GATAD2B: variants seen among roughly 807,000 people sequenced by gnomAD.
The protein encoded by GATAD2B is GATA zinc finger domain containing 2B.
In GATAD2B, 8 loss-of-function variants were observed where a neutral mutation model predicts 64.3. The ratio of observed to expected loss-of-function variants is 0.12; its 90% CI spans 0.07 to 0.22. The LOEUF is 0.22. GATAD2B is among the 10% of genes least tolerant of loss of function. The pLI, the probability that GATAD2B is intolerant of heterozygous loss-of-function variation, is 1.00. For missense variants in GATAD2B, 453 were observed against 752.0 expected (o/e 0.60, Z 4.65); for synonymous variants, 281 against 271.3 (o/e 1.04, Z -0.35).
At chr1:153,894,120 G>GA (rs1677506808) in intron 1 of GATAD2B, among the ~76,000 whole-genome samples, 1 of 152,108 alleles carries the variant, frequency 6.6e-6, no homozygotes, top group African/African-American at 2.4e-5. Flanking sequence ...GAGGAAGTCA[G>GA]AATAGTGGCT....
intron 1 of GATAD2B, among the ~76,000 whole-genome samples, chr1:153,873,830 T>C (rs1676743138): frequency 1.3e-5 from 2 of 152,340 alleles, no homozygotes; most frequent in Non-Finnish European, 1.5e-5. Context: ...ATGCCTGTAG[T>C]CCTAGCTACT....
chr1:153,839,108 C>CAAA lies in GATAD2B; in HGVS notation c.-1-10763_-1-10761dup, dbSNP rs35262137. Among the ~76,000 whole-genome samples the CAAA allele has an allele frequency of 3.5e-3, 271 of 78,544 alleles. 18 individuals carry two copies. Among genetic ancestry groups the CAAA allele is most frequent in the African/African-American group, 0.014 (233 of 16,240 alleles). The allele number at this position is 78,544 out of a possible 152,430, so 51.5% of individuals were successfully genotyped here. On this transcript the variant is annotated intron_variant, in intron 1 of 10. Transcript: ENST00000368655. ...TGGGTGACAGAACGAGACCCTGTCT[C>CAAA]AAAAAAAAAAAAAAAAAAAAAAAAA...
At chr1:153,907,104 C>A (rs902924679) in intron 1 of GATAD2B, among the ~76,000 whole-genome samples, 4 of 152,112 alleles carry the variant, frequency 2.6e-5, no homozygotes, top group Admixed American at 1.3e-4. Flanking sequence ...ACTCAAAAAC[C>A]GAATTATCAT....
At chr1:153,870,548 G>A (rs967601952) in intron 1 of GATAD2B, among the ~76,000 whole-genome samples, 1 of 152,078 alleles carries the variant, frequency 6.6e-6, no homozygotes, top group African/African-American at 2.4e-5. Flanking sequence ...ACTCCAGCCT[G>A]GGTGACAGAG....
At position 153,816,128 on chromosome 1, in the gene GATAD2B, C is replaced by A. The variant is rs1234645717; in HGVS notation, c.1216+145G>T. 4.6e-5 allele frequency: 28 copies of A among 611,842 alleles called. No homozygotes were observed. The highest frequency in any genetic ancestry group is 7.6e-5 in the Non-Finnish European group (26 of 343,394). The allele number at this position is 611,842 out of a possible 1,614,324, so 37.9% of individuals were successfully genotyped here. ...CCGCTTCTAACATGTTGCTCCCAAA[C>A]AGCTGTAAAGAAGGGAGGGAGGTGG... On this transcript the variant is annotated intron_variant, in intron 7 of 10. Coordinates refer to ENST00000368655, the MANE Select transcript of GATAD2B (RefSeq NM_020699.4). This position sits in a 1 kb window ranked among gnomAD's most constrained non-coding sequence, Gnocchi z 4.9.
rs893669051 is a variant in GATAD2B, at chr1:153,843,204, G to A, written c.-1-14856C>T. On this transcript the variant is annotated intron_variant, in intron 1 of 10. Coordinates refer to ENST00000368655, the MANE Select transcript of GATAD2B (RefSeq NM_020699.4). The stretch of plus-strand genomic sequence containing the variant: ...GGCTGGAATGCAGTGGTGTGATCAT[G>A]TCTCACTGTAACCTTGACCTCCTGG... Among the ~76,000 whole-genome samples the A allele has an allele frequency of 2.0e-5, 3 of 151,640 alleles. No homozygotes were observed. In the South Asian group the frequency reaches 6.2e-4, roughly 32 times the overall value.
intron 1 of GATAD2B, among the ~76,000 whole-genome samples, chr1:153,883,949 T>G (rs1274805219): frequency 1.3e-5 from 2 of 152,058 alleles, no homozygotes; most frequent in Non-Finnish European, 2.9e-5. Flanking sequence ...AGCTAAATCA[T>G]ACTCACCCAA....
chr1:153,867,462 T>C (rs746089571), intron 1 of GATAD2B, among the ~76,000 whole-genome samples: 2 of 151,770 alleles, frequency 1.3e-5, no homozygotes, highest in Non-Finnish European at 2.9e-5. Context: ...TGAGCTATGA[T>C]TGCACCATTG....
chr1:153,911,520 A>G (rs1435088272), intron 1 of GATAD2B, among the ~76,000 whole-genome samples: 2 of 152,188 alleles, frequency 1.3e-5, no homozygotes, highest in Non-Finnish European at 1.5e-5. Context: ...GGATCGCCTG[A>G]GGTCAGGAGT....
At chr1:153,910,766 A>C (rs899222290) in intron 1 of GATAD2B, among the ~76,000 whole-genome samples, 4 of 152,124 alleles carry the variant, frequency 2.6e-5, no homozygotes, top group African/African-American at 9.7e-5. Context: ...TACAATAAAT[A>C]AATAAATAAA....
chr1:153,870,386 A>C (rs1467005620), intron 1 of GATAD2B, among the ~76,000 whole-genome samples: 1 of 152,162 alleles, frequency 6.6e-6, no homozygotes, highest in African/African-American at 2.4e-5. Flanking sequence ...CCTGGCTAAC[A>C]CAGTGAAACC....
intron 1 of GATAD2B, among the ~76,000 whole-genome samples, chr1:153,904,155 C>T (rs1355730804): frequency 3.3e-5 from 5 of 152,040 alleles, no homozygotes; most frequent in Non-Finnish European, 7.4e-5. Context: ...TGGCAGGCAT[C>T]TGTAATCCCA....
intron 1 of GATAD2B, among the ~76,000 whole-genome samples, chr1:153,900,123 C>CT (rs1553198503): frequency 1.1e-4 from 17 of 151,086 alleles, no homozygotes; most frequent in South Asian, 2.1e-4. Flanking sequence ...TTAAAAATTT[C>CT]TTTTTTTTTA....
chr1:153,902,847 T>C (rs1053260306), intron 1 of GATAD2B, among the ~76,000 whole-genome samples: 2 of 152,180 alleles, frequency 1.3e-5, no homozygotes, highest in African/African-American at 4.8e-5. Context: ...GTTTATATCT[T>C]TTACATACTA....
At chr1:153,830,114 C>T (rs1675022788) in intron 1 of GATAD2B, among the ~76,000 whole-genome samples, 1 of 151,998 alleles carries the variant, frequency 6.6e-6, no homozygotes, top group Non-Finnish European at 1.5e-5. Flanking sequence ...CAAAACAAGA[C>T]CAAAAAATGA....
At chr1:153,869,763 C>A (rs1032033295) in intron 1 of GATAD2B, among the ~76,000 whole-genome samples, 3 of 152,172 alleles carry the variant, frequency 2.0e-5, no homozygotes, top group Non-Finnish European at 4.4e-5. Flanking sequence ...TGCATACACA[C>A]GTAACATCCA....
chr1:153,898,345 C>G (rs1418812372), intron 1 of GATAD2B, among the ~76,000 whole-genome samples: 1 of 137,684 alleles, frequency 7.3e-6, no homozygotes, highest in Non-Finnish European at 1.5e-5. Flanking sequence ...AAAAGAAAAA[C>G]AAAAACAAAA....
intron 1 of GATAD2B, among the ~76,000 whole-genome samples, chr1:153,842,631 G>GT (rs1196745296): frequency 7.0e-6 from 1 of 143,102 alleles, no homozygotes; most frequent in African/African-American, 2.5e-5. Context: ...TTTTGCTTTT[G>GT]TTTTTTAAAA....
chr1:153,820,972 G>A (rs2101884545), intron 2 of GATAD2B, among the ~76,000 whole-genome samples: 1 of 126,050 alleles, frequency 7.9e-6, no homozygotes, highest in Middle Eastern at 4.4e-3. Flanking sequence ...TTGGCACATG[G>A]AATTTTTTTT....
Sources: allele counts gnomAD v4.1 joint callset (sites outside exome capture counted in the v4.1 genomes callset), GRCh38; gene constraint gnomAD v4.1.1; non-coding constraint Gnocchi (gnomAD v3.1); transcripts MANE v1.5; gene names NCBI Gene and HGNC (gene_info 2026-07-23, HGNC 2026-07-21).